The following CREB3L1 variants were observed in gnomAD, a reference collection of about 807,000 sequenced individuals.
The protein encoded by CREB3L1 is cAMP responsive element binding protein 3 like 1, also known as cyclic AMP-responsive element-binding protein 3-like protein 1.
CREB3L1 carries 33 observed loss-of-function variants against 54.5 expected under a neutral mutation model. That is an observed-to-expected ratio of 0.61 (90% CI 0.46 to 0.81). The LOEUF (loss-of-function observed/expected upper bound fraction) is 0.81, where lower values mean the gene tolerates loss of function less well. CREB3L1 is among the 30% of genes least tolerant of loss of function. The pLI, the probability that CREB3L1 is intolerant of heterozygous loss-of-function variation, is 0.00. For missense variants in CREB3L1, 656 were observed against 673.3 expected (o/e 0.97, Z 0.29); for synonymous variants, 284 against 286.4 (o/e 0.99, Z 0.08).
intron 1 of CREB3L1, among the ~76,000 whole-genome samples, chr11:46,294,291 C>T (rs1194179712): frequency 1.3e-5 from 2 of 152,100 alleles, no homozygotes; most frequent in African/African-American, 4.8e-5. Flanking sequence ...AACGTGCTCC[C>T]TTAACCCCCA....
At chr11:46,302,267 T>C (rs1312196962) in intron 2 of CREB3L1, among the ~76,000 whole-genome samples, 2 of 151,798 alleles carry the variant, frequency 1.3e-5, no homozygotes, top group East Asian at 3.9e-4. Context: ...CTCCTCATAC[T>C]ATGTTGTCCT....
chr11:46,316,980 C>T (rs112761113), intron 9 of CREB3L1, among the ~76,000 whole-genome samples: 1 of 152,174 alleles, frequency 6.6e-6, no homozygotes, highest in South Asian at 2.1e-4. Flanking sequence ...TAGCCAGGCT[C>T]CTCAGAATCC....
At position 46,311,115 on chromosome 11, in the gene CREB3L1, C is replaced by A; in HGVS notation, c.679C>A (p.Pro227Thr). 1 of 1,607,620 alleles carries A rather than the reference C, an allele frequency of 6.2e-7. No individual in the cohort carries two copies. Among genetic ancestry groups the A allele is most frequent in the East Asian group, 2.2e-5 (1 of 44,706 alleles). Residue 227 changes from proline (P) to threonine (T), a missense_variant, in exon 5 of 12, where the codon CCC becomes ACC. Coordinates refer to ENST00000621158, the MANE Select transcript of CREB3L1 (RefSeq NM_052854.4). ...DGSQSPRSLPPSSPVRPMARS... is the reference protein window; with the variant it reads ...DGSQSPRSLPTSSPVRPMARS... ...CTCCCAGAGTCCCCGCTCTCTGCCC[C>A]CCTCCAGCCCTGTCAGGCCCATGGC...
At chr11:46,298,794 C>T in intron 1 of CREB3L1, among the ~76,000 whole-genome samples, 1 of 152,166 alleles carries the variant, frequency 6.6e-6, no homozygotes, top group Non-Finnish European at 1.5e-5. Flanking sequence ...ATATGTCAGC[C>T]ACTGGAGTGC....
Position 46,311,020 on chromosome 11 carries a change from T to C in CREB3L1, c.596-12T>C. On this transcript the variant is annotated splice_polypyrimidine_tract_variant and intron_variant, in intron 4 of 11. Transcript: ENST00000621158. ...GCAACGTTGCTAACTCGGTTTCCCCTGCTCTCCCCAGAGGACCTGGTGCAG... is the reference window on the plus strand; with the variant it reads ...GCAACGTTGCTAACTCGGTTTCCCCCGCTCTCCCCAGAGGACCTGGTGCAG... 6.4e-7 allele frequency: 1 copy of C among 1,571,032 alleles called. No individual in the cohort carries two copies.
At chr11:46,320,215 A>T in intron 10 of CREB3L1, 49 bp from the exon 11 acceptor site, 2 of 1,528,532 alleles carry the variant, frequency 1.3e-6, no homozygotes, top group Non-Finnish European at 8.8e-7. Flanking sequence ...TGTGGCCAGG[A>T]TGTTGAGGGA....
At chr11:46,282,293 C>T (rs1938990035) in intron 1 of CREB3L1, among the ~76,000 whole-genome samples, 1 of 152,136 alleles carries the variant, frequency 6.6e-6, no homozygotes, top group Admixed American at 6.5e-5. Context: ...AAGGGCTCTC[C>T]ATGGTTTTTA....
intron 2 of CREB3L1, among the ~76,000 whole-genome samples, chr11:46,306,414 G>A (rs538332180): frequency 1.3e-5 from 2 of 151,604 alleles, no homozygotes; most frequent in South Asian, 4.2e-4. Flanking sequence ...TGTGGCGGGA[G>A]AACCAATTGA....
At chr11:46,299,311 T>C (rs2136344893) in intron 1 of CREB3L1, among the ~76,000 whole-genome samples, 2 of 152,148 alleles carry the variant, frequency 1.3e-5, no homozygotes, top group African/African-American at 4.8e-5. Context: ...GAGCCTAACC[T>C]CTCCATATAA....
At chr11:46,287,490 T>G (rs1172436579) in intron 1 of CREB3L1, among the ~76,000 whole-genome samples, 2 of 150,882 alleles carry the variant, frequency 1.3e-5, no homozygotes, top group African/African-American at 4.9e-5. Flanking sequence ...TGTAAAGATG[T>G]TTTTTTTGCC....
intron 8 of CREB3L1, among the ~76,000 whole-genome samples, chr11:46,313,303 C>T (rs1939517950): frequency 6.6e-6 from 1 of 152,212 alleles, no homozygotes; most frequent in African/African-American, 2.4e-5. Flanking sequence ...AATTAGGTTG[C>T]ACCCTCAAGT....
intron 1 of CREB3L1, among the ~76,000 whole-genome samples, chr11:46,292,653 G>A (rs1200337907): frequency 2.0e-5 from 3 of 152,150 alleles, no homozygotes; most frequent in African/African-American, 7.2e-5. Flanking sequence ...TAGAGACAGG[G>A]TCTTGCTCTG....
At chr11:46,297,134 C>A (rs1341151949) in intron 1 of CREB3L1, among the ~76,000 whole-genome samples, 2 of 152,226 alleles carry the variant, frequency 1.3e-5, no homozygotes, top group African/African-American at 4.8e-5. Context: ...CTTTGAGAGA[C>A]CCTAAGGGAG....
intron 10 of CREB3L1, among the ~76,000 whole-genome samples, chr11:46,319,202 T>C (rs893469658): frequency 7.2e-5 from 11 of 152,210 alleles, no homozygotes; most frequent in Non-Finnish European, 1.6e-4. Context: ...AGCAGGCAGA[T>C]GGCTTTGGAG....
intron 1 of CREB3L1, among the ~76,000 whole-genome samples, chr11:46,282,090 C>T (rs900553565): frequency 1.3e-5 from 2 of 152,110 alleles, no homozygotes; most frequent in Non-Finnish European, 2.9e-5. Context: ...TTGTTCACTG[C>T]TGTATCCCAG....
At chr11:46,283,716 C>CA (rs922045510) in intron 1 of CREB3L1, among the ~76,000 whole-genome samples, 38 of 151,990 alleles carry the variant, frequency 2.5e-4, no homozygotes, top group African/African-American at 9.2e-4. Context: ...TCCGTCTCTA[C>CA]AAAAAATAAA....
At chr11:46,307,035 C>T (rs1294211330) in intron 2 of CREB3L1, among the ~76,000 whole-genome samples, 1 of 152,058 alleles carries the variant, frequency 6.6e-6, no homozygotes, top group African/African-American at 2.4e-5. Flanking sequence ...CGTGCCGCCA[C>T]AACTGGCTAA....
intron 2 of CREB3L1, among the ~76,000 whole-genome samples, chr11:46,305,684 GTA>G (rs1229135560): frequency 1.6e-3 from 179 of 109,344 alleles, no homozygotes; most frequent in African/African-American, 6.2e-3. Flanking sequence ...GTGTGTGTGT[GTA>G]TATATGTGTG....
At chr11:46,292,981 C>A (rs1300130636) in intron 1 of CREB3L1, among the ~76,000 whole-genome samples, 1 of 152,110 alleles carries the variant, frequency 6.6e-6, no homozygotes, top group Non-Finnish European at 1.5e-5. Flanking sequence ...GAGTTTGAGA[C>A]TTGGACTTAC....
Sources: allele counts gnomAD v4.1 joint callset (sites outside exome capture counted in the v4.1 genomes callset), GRCh38; gene constraint gnomAD v4.1.1; transcripts MANE v1.5; gene names NCBI Gene and HGNC (gene_info 2026-07-23, HGNC 2026-07-21).